LASP1: variants seen among roughly 807,000 people sequenced by gnomAD.
LASP1 encodes the protein LIM and SH3 domain protein 1.
A neutral mutation model predicts 38.6 loss-of-function variants in LASP1; 10 were observed. That is an observed-to-expected ratio of 0.26 (90% CI 0.16 to 0.44). The LOEUF is 0.44. Ranked by LOEUF, LASP1 falls within the 20% of genes least tolerant of loss-of-function variation. The probability of loss-of-function intolerance (pLI) is 1.00; values close to 1 mark genes in which losing one functional copy is unlikely to be tolerated. For synonymous variants in LASP1, 132 were observed against 140.8 expected, an observed-to-expected ratio of 0.94 and a Z score of 0.44; for missense variants, 243 against 375.7, an observed-to-expected ratio of 0.65 and a Z score of 2.92.
Position 38,886,160 on chromosome 17 carries a change from C to T in LASP1, c.165-4260C>T, listed in dbSNP as rs1490430509. On this transcript the variant is annotated intron_variant, in intron 2 of 6. Coordinates refer to ENST00000318008, the MANE Select transcript of LASP1 (RefSeq NM_006148.4). ...TCTCTCTCTCTCTCTGTCTCGCTCT[C>T]GCTCTCTCCTCACTCTCTCTCTCAC... is the stretch of plus-strand genomic sequence containing the variant. 6.6e-5 allele frequency among the ~76,000 whole-genome samples: 10 copies of T among 151,984 alleles called. No homozygotes were observed. The East Asian group carries it at 1.2e-3, about 18-fold the overall frequency.
Position 38,918,339 on chromosome 17 carries a change from T to G in LASP1, c.613-266T>G, listed in dbSNP as rs1203662918. On this transcript the variant is annotated intron_variant, in intron 6 of 6. Transcript: ENST00000318008. The surrounding 1 kb of genome is among the most constrained non-coding windows in gnomAD (Gnocchi z 4.4). Reference sequence around the variant, plus strand: ...TGGCTGGTGGACCTTACTGCAGTCCTGTTCAGGGAGGTGGGGCAGAGCTGA... The same window carrying G: ...TGGCTGGTGGACCTTACTGCAGTCCGGTTCAGGGAGGTGGGGCAGAGCTGA... Among the ~76,000 whole-genome samples the G allele has an allele frequency of 6.6e-6, 1 of 152,304 alleles. No individual in the cohort carries two copies. The highest frequency in any genetic ancestry group is 1.9e-4 in the East Asian group (1 of 5,170).
intron 4 of LASP1, among the ~76,000 whole-genome samples, chr17:38,913,645 T>A (rs1040803193): frequency 2.2e-4 from 34 of 152,138 alleles, no homozygotes; most frequent in African/African-American, 7.7e-4. Context: ...AACGGGCTGC[T>A]GCTGTGGTTA....
At chr17:38,911,305 G>A (rs1914935416) in intron 4 of LASP1, among the ~76,000 whole-genome samples, 1 of 152,198 alleles carries the variant, frequency 6.6e-6, no homozygotes, top group Admixed American at 6.5e-5. Context: ...TGAAGGATGA[G>A]AGAAGCCTGG....
intron 4 of LASP1, among the ~76,000 whole-genome samples, chr17:38,912,410 TAGGGTCAGAGTAGGGCCAGGGTGCCAC>T: frequency 6.7e-6 from 1 of 148,462 alleles, no homozygotes; most frequent in East Asian, 2.0e-4. Context: ...CAGGGTGCCA[TAGGGTCAGAGTAGGGCCAGGGTGCCAC>T]AGGGTCAGGG....
chr17:38,894,179 C>T (rs530439183), intron 3 of LASP1, among the ~76,000 whole-genome samples: 22 of 152,260 alleles, frequency 1.4e-4, no homozygotes, highest in Admixed American at 3.3e-4. Context: ...GCTCCTATCC[C>T]ACCCCCAGGC....
intron 2 of LASP1, among the ~76,000 whole-genome samples, chr17:38,886,709 G>A (rs533999449): frequency 2.6e-5 from 4 of 152,164 alleles, no homozygotes; most frequent in Non-Finnish European, 5.9e-5. Flanking sequence ...TGCAGGGGGT[G>A]TGTGGACATG....
chr17:38,886,673 G>A (rs1162534583), intron 2 of LASP1, among the ~76,000 whole-genome samples: 2 of 152,052 alleles, frequency 1.3e-5, no homozygotes, highest in African/African-American at 2.4e-5. Context: ...GTGGGTGTAG[G>A]GTGAGCAGAG....
rs189156941 is a variant in LASP1 at position 38,873,500 on chromosome 17, G to C, written c.69+3242G>C. Reference sequence around the variant, plus strand: ...TCACATCCACAGTTCTTTCTGCTCAGCTCTTCTGCCAGTGTGTTTGCAGAA... The same window carrying C: ...TCACATCCACAGTTCTTTCTGCTCACCTCTTCTGCCAGTGTGTTTGCAGAA... On this transcript the variant is annotated intron_variant, in intron 1 of 6. Coordinates refer to ENST00000318008, the MANE Select transcript of LASP1 (RefSeq NM_006148.4). Among the ~76,000 whole-genome samples, 32 of 152,302 alleles carry C rather than the reference G, an allele frequency of 2.1e-4. No individual in the cohort carries two copies. The East Asian group carries it at 6.0e-3, about 28-fold the overall frequency.
At chr17:38,917,597 C>G (rs928583355) in intron 6 of LASP1, among the ~76,000 whole-genome samples, 19 of 152,192 alleles carry the variant, frequency 1.2e-4, no homozygotes, top group African/African-American at 4.6e-4. Flanking sequence ...TTGTCCTGAA[C>G]TTGGACAGGA....
intron 3 of LASP1, 43 bp downstream of exon 3, chr17:38,890,547 T>C (rs1914281567): frequency 1.3e-6 from 2 of 1,569,980 alleles, no homozygotes; most frequent in African/African-American, 1.4e-5. Flanking sequence ...GGAGGGATGC[T>C]GGGGAGGGAA....
At chr17:38,904,470 G>C (rs1158860885) in intron 4 of LASP1, 1 of 152,148 alleles carries the variant, frequency 6.6e-6, no homozygotes, top group East Asian at 1.9e-4. Flanking sequence ...GTGCACACCT[G>C]TAGTCCCAGT....
intron 1 of LASP1, among the ~76,000 whole-genome samples, chr17:38,870,755 C>T (rs1470231880): frequency 6.6e-6 from 1 of 150,912 alleles, no homozygotes. Context: ...CCTGGCCTGG[C>T]GGGGCGGGGG....
Position 38,918,566 on chromosome 17 carries a change from G to T in LASP1, c.613-39G>T. On this transcript the variant is annotated intron_variant, in intron 6 of 6. Transcript: ENST00000318008. This position sits in a 1 kb window ranked among gnomAD's most constrained non-coding sequence, Gnocchi z 4.4. ...AAAAATGCTCAGACCCAGGTGAGCC[G>T]GCATGCAGGGCCCTAGGCTGACCAC... is the stretch of plus-strand genomic sequence containing the variant. 1.3e-6 allele frequency: 2 copies of T among 1,535,160 alleles called. No homozygotes were observed. The highest frequency in any genetic ancestry group is 1.8e-6 in the Non-Finnish European group (2 of 1,136,116).
intron 4 of LASP1, among the ~76,000 whole-genome samples, chr17:38,909,843 G>A (rs1227920055): frequency 6.6e-6 from 1 of 152,058 alleles, no homozygotes; most frequent in Non-Finnish European, 1.5e-5. Context: ...CGTCTCCTGG[G>A]TTCAAGTGAT....
rs894609254 is a variant in LASP1, at chr17:38,878,190, G to T, written c.164+10G>T. On this transcript the variant is annotated intron_variant, in intron 2 of 6. Coordinates refer to ENST00000318008, the MANE Select transcript of LASP1 (RefSeq NM_006148.4). ...AGCCCTACTGCAACGCGTGAGTCCTGTTCTGGGCAGGGGGCTGGGTGGGCA... is the reference window on the plus strand; with the variant it reads ...AGCCCTACTGCAACGCGTGAGTCCTTTTCTGGGCAGGGGGCTGGGTGGGCA... 1 of 1,603,448 alleles carries T rather than the reference G, an allele frequency of 6.2e-7. No individual in the cohort carries two copies. The highest frequency in any genetic ancestry group is 8.5e-7 in the Non-Finnish European group (1 of 1,170,888).
At chr17:38,891,610 C>G (rs1914327357) in intron 3 of LASP1, among the ~76,000 whole-genome samples, 1 of 152,132 alleles carries the variant, frequency 6.6e-6, no homozygotes, top group African/African-American at 2.4e-5. Context: ...GGGCTCAGTG[C>G]TCCCGGCGTG....
At chr17:38,913,996 C>T (rs1425548358) in intron 4 of LASP1, among the ~76,000 whole-genome samples, 2 of 147,786 alleles carry the variant, frequency 1.4e-5, no homozygotes, top group South Asian at 2.2e-4. Context: ...AGCCAAACTC[C>T]GTCTCGAAAA....
At chr17:38,904,876 G>T (rs1914734206) in intron 4 of LASP1, among the ~76,000 whole-genome samples, 1 of 152,190 alleles carries the variant, frequency 6.6e-6, no homozygotes, top group Non-Finnish European at 1.5e-5. Context: ...TACTCTGAAG[G>T]CAGGTTTGTT....
At position 38,919,452 on chromosome 17, in the gene LASP1, G is replaced by A. The variant is rs1915234933; in HGVS notation, c.*674G>A. 4.1e-6 allele frequency: 1 copy of A among 241,740 alleles called. No homozygotes were observed. The highest frequency in any genetic ancestry group is 2.2e-5 in the African/African-American group (1 of 45,470). The allele number at this position is 241,740 out of a possible 1,614,324, so 15.0% of individuals were successfully genotyped here. On this transcript the variant is annotated 3_prime_UTR_variant, in exon 7 of 7. Coordinates refer to ENST00000318008, the MANE Select transcript of LASP1 (RefSeq NM_006148.4). Reference sequence around the variant, plus strand: ...CCCACGCAGACCTGCAGCGGGCAAAGAGCTCCCGAGGAAGCACAGCTTGGG... The same window carrying A: ...CCCACGCAGACCTGCAGCGGGCAAAAAGCTCCCGAGGAAGCACAGCTTGGG...
Sources: allele counts gnomAD v4.1 joint callset (sites outside exome capture counted in the v4.1 genomes callset), GRCh38; gene constraint gnomAD v4.1.1; non-coding constraint Gnocchi (gnomAD v3.1); transcripts MANE v1.5; gene names NCBI Gene and HGNC (gene_info 2026-07-23, HGNC 2026-07-21).